ZFAND6: variants seen among roughly 807,000 people sequenced by gnomAD.
ZFAND6 encodes the protein zinc finger AN1-type containing 6, also known as AN1-type zinc finger protein 6.
A neutral mutation model predicts 24.5 loss-of-function variants in ZFAND6; 12 were observed. The observed-to-expected ratio is 0.49, with a 90% CI of 0.31 to 0.79. The LOEUF (loss-of-function observed/expected upper bound fraction) is 0.79, where lower values mean the gene tolerates loss of function less well. Ranked by LOEUF, ZFAND6 falls within the 30% of genes least tolerant of loss-of-function variation. ZFAND6 has a pLI of 0.04. For synonymous variants in ZFAND6, 92 were observed against 81.5 expected, an observed-to-expected ratio of 1.13 and a Z score of -0.69; for missense variants, 207 against 245.9, an observed-to-expected ratio of 0.84 and a Z score of 1.06.
intron 1 of ZFAND6, among the ~76,000 whole-genome samples, chr15:80,084,129 A>C (rs2037848287): frequency 6.6e-6 from 1 of 152,154 alleles, no homozygotes; most frequent in Admixed American, 6.5e-5. Flanking sequence ...GCTTCTTATG[A>C]AGTCTGTTTA....
intron 1 of ZFAND6, among the ~76,000 whole-genome samples, chr15:80,082,008 G>T (rs75023800): frequency 6.6e-6 from 1 of 152,148 alleles, no homozygotes; most frequent in African/African-American, 2.4e-5. Context: ...TTATTTACCC[G>T]GAAAGAGGCA....
chr15:80,091,006 T>C (rs1286172772), intron 1 of ZFAND6, among the ~76,000 whole-genome samples: 6 of 152,220 alleles, frequency 3.9e-5, no homozygotes, highest in South Asian at 2.1e-4. Context: ...AAATATTCTA[T>C]CTTGTTGAAT....
intron 5 of ZFAND6, among the ~76,000 whole-genome samples, chr15:80,124,911 T>C (rs938263738): frequency 6.6e-6 from 1 of 152,228 alleles, no homozygotes; most frequent in Non-Finnish European, 1.5e-5. Flanking sequence ...TAACATATTA[T>C]TGAATTAAGA....
At chr15:80,084,769 A>AT (rs767369867) in intron 1 of ZFAND6, among the ~76,000 whole-genome samples, 11 of 152,222 alleles carry the variant, frequency 7.2e-5, no homozygotes, top group Non-Finnish European at 1.6e-4. Flanking sequence ...TTGACTCTGT[A>AT]TTAGACTCTG....
At chr15:80,120,769 G>A (rs1879892) in intron 3 of ZFAND6, 151,752 of 200,226 alleles carry the variant, frequency 0.76, 57,837 homozygotes, top group Admixed American at 0.84. Context: ...CACCTCAAGT[G>A]TCTTGGAAAG....
intron 5 of ZFAND6, among the ~76,000 whole-genome samples, chr15:80,125,759 C>G (rs1474752466): frequency 2.6e-5 from 4 of 152,176 alleles, no homozygotes; most frequent in Admixed American, 2.6e-4. Flanking sequence ...ACCTCTTAGT[C>G]CCTCAGATCT....
chr15:80,100,072 A>G (rs979696627), intron 2 of ZFAND6, among the ~76,000 whole-genome samples: 4 of 152,238 alleles, frequency 2.6e-5, no homozygotes, highest in Non-Finnish European at 5.9e-5. Context: ...AACACTGTGT[A>G]AATCTCCAGA....
chr15:80,137,152 T>G (rs1457995480), intron 6 of ZFAND6, among the ~76,000 whole-genome samples: 1 of 152,272 alleles, frequency 6.6e-6, no homozygotes, highest in Non-Finnish European at 1.5e-5. Context: ...AGTAGGCTTA[T>G]TCTCACATCG....
chr15:80,123,290 A>G (rs1405215145), intron 5 of ZFAND6, among the ~76,000 whole-genome samples: 1 of 152,158 alleles, frequency 6.6e-6, no homozygotes, highest in East Asian at 1.9e-4. Flanking sequence ...TGTCTTGCCC[A>G]TGCTCTTCAT....
At chr15:80,126,096 G>A (rs535218985) in intron 5 of ZFAND6, among the ~76,000 whole-genome samples, 1 of 152,302 alleles carries the variant, frequency 6.6e-6, no homozygotes, top group South Asian at 2.1e-4. Flanking sequence ...GGAAAGATGA[G>A]TTGATGTTAG....
At position 80,120,367 on chromosome 15, in the gene ZFAND6, G is replaced by A. The variant is rs930416280; in HGVS notation, c.23G>A (p.Ser8Asn). 8 of 1,587,874 alleles carry A rather than the reference G, an allele frequency of 5.0e-6. No homozygotes were observed. The highest frequency in any genetic ancestry group is 3.4e-5 in the Admixed American group (2 of 58,074). ...AACATGGCTCAAGAAACTAATCACA[G>A]CCAAGTGCCTATGCTTTGTTCCACT... MAQETNH[S>N]QVPMLCSTGC... Residue 8 changes from serine (S) to asparagine (N), a missense_variant, in exon 3 of 7, where the codon AGC becomes AAC. Ser to Asn is a conservative substitution (Grantham distance 46, BLOSUM62 1). Coordinates refer to ENST00000261749, the MANE Select transcript of ZFAND6 (RefSeq NM_019006.4).
At chr15:80,072,464 A>T (rs1567051733) in intron 1 of ZFAND6, 1 of 152,094 alleles carries the variant, frequency 6.6e-6, no homozygotes, top group Non-Finnish European at 1.5e-5. Context: ...GTTCTTTAAA[A>T]TAATGGATAT....
chr15:80,090,423 T>C (rs1288825086), intron 1 of ZFAND6, among the ~76,000 whole-genome samples: 1 of 152,212 alleles, frequency 6.6e-6, no homozygotes, highest in African/African-American at 2.4e-5. Flanking sequence ...TCTGTAGGCC[T>C]CAGTTTCCTC....
intron 1 of ZFAND6, among the ~76,000 whole-genome samples, chr15:80,070,398 G>A (rs1384365948): frequency 2.6e-5 from 4 of 152,106 alleles, no homozygotes; most frequent in Admixed American, 6.6e-5. Context: ...TTCCTGAGAA[G>A]CAATATTGTT....
At chr15:80,128,694 C>G (rs745310546) in intron 5 of ZFAND6, among the ~76,000 whole-genome samples, 16 of 152,244 alleles carry the variant, frequency 1.1e-4, no homozygotes, top group Non-Finnish European at 1.9e-4. Flanking sequence ...GGTATATAAT[C>G]GACATTTATT....
chr15:80,104,825 A>T (rs554615729), intron 2 of ZFAND6, among the ~76,000 whole-genome samples: 3 of 151,464 alleles, frequency 2.0e-5, no homozygotes, highest in Admixed American at 6.6e-5. Context: ...TTTCTAACTT[A>T]TTTTTTTTTA....
At chr15:80,080,468 G>A (rs1056444279) in intron 1 of ZFAND6, among the ~76,000 whole-genome samples, 3 of 152,208 alleles carry the variant, frequency 2.0e-5, no homozygotes, top group African/African-American at 7.2e-5. Context: ...TTATAAATTA[G>A]ACATAGTAAG....
intron 5 of ZFAND6, 25 bp downstream of exon 5, chr15:80,122,825 T>C: frequency 6.3e-7 from 1 of 1,582,260 alleles, no homozygotes; most frequent in South Asian, 1.1e-5. Context: ...TAGCATGTAT[T>C]TTGTTATTTG....
chr15:80,101,223 G>A lies in ZFAND6; in HGVS notation c.-18+2645G>A, dbSNP rs568584630. Reference sequence around the variant, plus strand: ...CACGCCTGTAATCCCAGCACTTTGGGAGGCCAAGGCGGATGGATCACAAGG... The same window carrying A: ...CACGCCTGTAATCCCAGCACTTTGGAAGGCCAAGGCGGATGGATCACAAGG... On this transcript the variant is annotated intron_variant, in intron 2 of 6. Coordinates refer to ENST00000261749, the MANE Select transcript of ZFAND6 (RefSeq NM_019006.4). Among the ~76,000 whole-genome samples, 66 of 152,290 alleles carry A rather than the reference G, an allele frequency of 4.3e-4. 2 individuals carry two copies. In the South Asian group the frequency reaches 0.013, roughly 31 times the overall value.
Sources: allele counts gnomAD v4.1 joint callset (sites outside exome capture counted in the v4.1 genomes callset), GRCh38; gene constraint gnomAD v4.1.1; transcripts MANE v1.5; gene names NCBI Gene and HGNC (gene_info 2026-07-23, HGNC 2026-07-21).